SEPSECS: variants seen among roughly 807,000 people sequenced by gnomAD.
The protein encoded by SEPSECS is O-phosphoseryl-tRNA(Sec) selenium transferase.
In SEPSECS, 42 loss-of-function variants were observed where a neutral mutation model predicts 52.1. That is an observed-to-expected ratio of 0.81 (90% confidence interval 0.63 to 1.04). The LOEUF (loss-of-function observed/expected upper bound fraction) is 1.04. SEPSECS is among the 50% of genes least tolerant of loss of function. The probability of loss-of-function intolerance (pLI) is 0.00; values close to 1 mark genes in which losing one functional copy is unlikely to be tolerated. For synonymous variants in SEPSECS, 216 were observed against 211.4 expected, an observed-to-expected ratio of 1.02 and a Z score of -0.19; for missense variants, 590 against 610.6, an observed-to-expected ratio of 0.97 and a Z score of 0.36.
intron 8 of SEPSECS, among the ~76,000 whole-genome samples, chr4:25,142,051 G>A (rs1711582517): frequency 6.6e-6 from 1 of 152,138 alleles, no homozygotes; most frequent in Admixed American, 6.5e-5. Flanking sequence ...CCAAGGTGGG[G>A]GGATCACATG....
At position 25,120,697 on chromosome 4, in the gene SEPSECS, A is replaced by T. The variant is rs551637494; in HGVS notation, c.*3234T>A. The T allele has an allele frequency of 2.6e-4, 40 of 152,240 alleles. No individual in the cohort carries two copies. In the Middle Eastern group the frequency reaches 0.017, roughly 65 times the overall value. The allele number at this position is 152,240 out of a possible 1,614,324, so 9.4% of individuals were successfully genotyped here. ...ACATCTCAGAAAGTGGGAAAAGGAA[A>T]CCCAACTCTTATATGCACCAAATGT... On this transcript the variant is annotated 3_prime_UTR_variant, in exon 11 of 11. Coordinates refer to ENST00000382103, the MANE Select transcript of SEPSECS (RefSeq NM_016955.4).
At chr4:25,133,453 C>T (rs1728693780) in intron 8 of SEPSECS, among the ~76,000 whole-genome samples, 37 of 152,194 alleles carry the variant, frequency 2.4e-4, no homozygotes, top group Admixed American at 2.4e-3. Context: ...AGCTGAGCTA[C>T]ATATTCCTGC....
chr4:25,153,469 CAG>C (rs1712432493), intron 5 of SEPSECS, among the ~76,000 whole-genome samples: 1 of 151,298 alleles, frequency 6.6e-6, no homozygotes, highest in African/African-American at 2.4e-5. Flanking sequence ...AAAGGAGAAG[CAG>C]AAAAAATATT....
intron 6 of SEPSECS, 66 bp from the exon 7 acceptor site, chr4:25,145,199 T>A: frequency 6.6e-7 from 1 of 1,510,374 alleles, no homozygotes; most frequent in Admixed American, 1.7e-5. Flanking sequence ...AACAAACAAA[T>A]ACCACAACAA....
At chr4:25,152,650 C>T (rs1171435747) in intron 5 of SEPSECS, among the ~76,000 whole-genome samples, 3 of 151,900 alleles carry the variant, frequency 2.0e-5, no homozygotes, top group Admixed American at 6.6e-5. Flanking sequence ...TAAATCCACC[C>T]TTATCTACTC....
At chr4:25,155,618 A>G (rs913772552) in intron 4 of SEPSECS, among the ~76,000 whole-genome samples, 3 of 152,216 alleles carry the variant, frequency 2.0e-5, no homozygotes, top group Non-Finnish European at 2.9e-5. Context: ...AACAAATCAC[A>G]ATCATCTACT....
intron 8 of SEPSECS, among the ~76,000 whole-genome samples, chr4:25,134,985 A>G (rs1430878378): frequency 6.6e-6 from 1 of 152,224 alleles, no homozygotes; most frequent in East Asian, 1.9e-4. Context: ...AAATTAAGGC[A>G]GAAATAAAGA....
At position 25,120,175 on chromosome 4, in the gene SEPSECS, T is replaced by C. The variant is rs1278107044; in HGVS notation, c.*3756A>G. The stretch of plus-strand genomic sequence containing the variant: ...TTCTCATGGCTAAAATCCCCCACGG[T>C]TATACAGTTAAGCATAGCCTTTCTT... On this transcript the variant is annotated 3_prime_UTR_variant, in exon 11 of 11. Coordinates refer to ENST00000382103, the MANE Select transcript of SEPSECS (RefSeq NM_016955.4). 6.6e-6 allele frequency: 1 copy of C among 152,144 alleles called. No individual in the cohort carries two copies. The highest frequency in any genetic ancestry group is 1.9e-4 in the East Asian group (1 of 5,198). 9.4% of individuals were successfully genotyped at this position (152,144 alleles called of 1,614,324 possible).
In SEPSECS at chr4:25,135,483, C is replaced by G. The variant is rs7680873; in HGVS notation, c.1027-8126G>C. Reference sequence around the variant, plus strand: ...TGTAGAAGAAATGGATAAATTCCTGCGTATATACACCCTCCCAAGACTGAA... The same window carrying G: ...TGTAGAAGAAATGGATAAATTCCTGGGTATATACACCCTCCCAAGACTGAA... On this transcript the variant is annotated intron_variant, in intron 8 of 10. Transcript: ENST00000382103. 6.6e-5 allele frequency among the ~76,000 whole-genome samples: 10 copies of G among 151,976 alleles called. No individual in the cohort carries two copies. The East Asian group carries it at 7.7e-4, about 12-fold the overall frequency.
intron 1 of SEPSECS, 155 bp downstream of exon 1, chr4:25,160,101 C>T (rs1164306870): frequency 4.1e-6 from 4 of 985,450 alleles, no homozygotes; most frequent in Non-Finnish European, 4.8e-6. Flanking sequence ...AGGCACAGAC[C>T]GCAGTCGGTC....
rs545718338 is a variant in SEPSECS, at chr4:25,121,667, T to C, written c.*2264A>G. The C allele has an allele frequency of 1.4e-4, 22 of 152,268 alleles. No homozygotes were observed. The highest frequency in any genetic ancestry group is 1.2e-3 in the Admixed American group (19 of 15,292). The allele number at this position is 152,268 out of a possible 1,614,324, so 9.4% of individuals were successfully genotyped here. A position where few individuals can be genotyped will look rare whatever the true frequency, so the allele number is the denominator to read the frequency against. On this transcript the variant is annotated 3_prime_UTR_variant, in exon 11 of 11. Transcript: ENST00000382103. ...TTGTGAATTCTATGCCCTCAAATTT[T>C]AAGCCAGGAGGAATAGAGCTAGAAT...
chr4:25,130,086 A>G (rs920584458), intron 8 of SEPSECS, among the ~76,000 whole-genome samples: 1 of 152,234 alleles, frequency 6.6e-6, no homozygotes, highest in Non-Finnish European at 1.5e-5. Context: ...CCGCCTAACA[A>G]CAACATAACC....
intron 6 of SEPSECS, among the ~76,000 whole-genome samples, chr4:25,148,823 C>T (rs1332540340): frequency 6.6e-6 from 1 of 152,160 alleles, no homozygotes; most frequent in Non-Finnish European, 1.5e-5. Flanking sequence ...ATATCATTTG[C>T]ACTCCATAAA....
At position 25,152,034 on chromosome 4, in the gene SEPSECS, T is replaced by A; in HGVS notation, c.730A>T (p.Asn244Tyr). The change falls in exon 6 of 11, where the codon AAT becomes TAT. Residue 244 changes from asparagine to tyrosine, a missense_variant. Asn to Tyr is a moderately radical substitution (Grantham distance 143, BLOSUM62 -2). Transcript: ENST00000382103. ...RLEELAVICA[N>Y]YDIPHIVNNA... ...TTAACTATATGTGGAATGTCATAAT[T>A]AGCACAAATCACAGCCAGTTCTTCT... 1.3e-6 allele frequency: 2 copies of A among 1,592,834 alleles called. No homozygotes were observed. The highest frequency in any genetic ancestry group is 1.7e-6 in the Non-Finnish European group (2 of 1,160,832).
At chr4:25,151,871 C>A in intron 6 of SEPSECS, 89 bp downstream of exon 6, 1 of 771,876 alleles carries the variant, frequency 1.3e-6, no homozygotes, top group South Asian at 1.4e-5. Flanking sequence ...AACTGTTTTA[C>A]TATATCAGAT....
At chr4:25,140,992 AGTAT>A (rs1312095453) in intron 8 of SEPSECS, among the ~76,000 whole-genome samples, 1 of 152,200 alleles carries the variant, frequency 6.6e-6, no homozygotes, top group African/African-American at 2.4e-5. Flanking sequence ...TAAACAATAC[AGTAT>A]AACAACTACT....
In SEPSECS at chr4:25,130,016, T is replaced by C. The variant is rs987527513; in HGVS notation, c.1027-2659A>G. Reference sequence around the variant, plus strand: ...TACTCTGAAATTCATCAACCTCCCATAGGCAGAAACAAATCTCACAGGCAG... The same window carrying C: ...TACTCTGAAATTCATCAACCTCCCACAGGCAGAAACAAATCTCACAGGCAG... On this transcript the variant is annotated intron_variant, in intron 8 of 10. Transcript: ENST00000382103. Among the ~76,000 whole-genome samples the C allele has an allele frequency of 2.0e-5, 3 of 152,190 alleles. No homozygotes were observed. The South Asian group carries it at 6.2e-4, about 31-fold the overall frequency.
intron 2 of SEPSECS, 37 bp downstream of exon 2, chr4:25,158,916 A>G: frequency 6.3e-7 from 1 of 1,595,916 alleles, no homozygotes; most frequent in Non-Finnish European, 8.6e-7. Flanking sequence ...AAAAATAAAT[A>G]AACGATGTAT....
chr4:25,139,304 A>G (rs1272937311), intron 8 of SEPSECS, among the ~76,000 whole-genome samples: 2 of 152,126 alleles, frequency 1.3e-5, no homozygotes, highest in Non-Finnish European at 2.9e-5. Context: ...AGCAGGGGCC[A>G]ATACTATTTT....
Sources: gnomAD v4.1 joint callset for allele counts (sites outside exome capture counted in the v4.1 genomes callset) on GRCh38, gnomAD v4.1.1 for gene constraint, MANE v1.5 for transcripts, NCBI Gene and HGNC (gene_info 2026-07-23, HGNC 2026-07-21) for gene names.